CARMIL2: variants seen among roughly 807,000 people sequenced by gnomAD.
The protein encoded by CARMIL2 is capping protein regulator and myosin 1 linker 2.
A neutral mutation model predicts 173.3 loss-of-function variants in CARMIL2; 96 were observed. That is an observed-to-expected ratio of 0.55 (90% confidence interval 0.47 to 0.66). The LOEUF (loss-of-function observed/expected upper bound fraction) is 0.66, where lower values mean the gene tolerates loss of function less well. Ranked by LOEUF, CARMIL2 falls within the 30% of genes least tolerant of loss-of-function variation. The probability of loss-of-function intolerance (pLI) is 0.00; values close to 1 mark genes in which losing one functional copy is unlikely to be tolerated. For missense variants in CARMIL2, 1,771 were observed against 1,906.7 expected, an observed-to-expected ratio of 0.93 and a Z score of 1.33; for synonymous variants, 830 against 817.1, an observed-to-expected ratio of 1.02 and a Z score of -0.27.
intron 34 of CARMIL2, 36 bp from the exon 35 acceptor site, chr16:67,656,388 C>T: frequency 6.2e-7 from 1 of 1,609,634 alleles, no homozygotes; most frequent in Non-Finnish European, 8.5e-7. Flanking sequence ...TCGCCAATGC[C>T]TGACCAGGTC....
rs1423459426 is a variant in CARMIL2 at position 67,654,630 on chromosome 16, G to T, written c.3520G>T (p.Ala1174Ser). ...SRPRYTRDSK[A>S]YSMILLPAEE... ...ACCTCGCTACACAAGAGATAGCAAG[G>T]CCTACTCGATGATACTGCTGCCTGC... The change falls in exon 31 of 38, where the codon GCC becomes TCC. Residue 1174 changes from alanine to serine, a missense_variant. This residue lies in a region of CARMIL2 where 817 missense variants were observed against 903.5 expected (regional missense o/e 0.90). Coordinates refer to ENST00000334583, the MANE Select transcript of CARMIL2 (RefSeq NM_001013838.3). 6.3e-7 allele frequency: 1 copy of T among 1,595,028 alleles called. No individual in the cohort carries two copies. Among genetic ancestry groups the T allele is most frequent in the South Asian group, 1.1e-5 (1 of 88,926 alleles).
Position 67,647,542 on chromosome 16 carries a change from G to C in CARMIL2, c.811G>C (p.Gly271Arg). ...CCGACGACTGGCCCAGGCGCTGGCGGGACACTCAAGCTCTGGGCTGCGGGA... is the reference window on the plus strand; with the variant it reads ...CCGACGACTGGCCCAGGCGCTGGCGCGACACTCAAGCTCTGGGCTGCGGGA... ...FVRRLAQALA[G>R]HSSSGLRELS... The change falls in exon 11 of 38, where the codon GGA (glycine) becomes CGA (arginine). Residue 271 changes from glycine to arginine, a missense_variant. Coordinates refer to ENST00000334583, the MANE Select transcript of CARMIL2 (RefSeq NM_001013838.3). The C allele has an allele frequency of 6.2e-7, 1 of 1,610,288 alleles. No homozygotes were observed.
At position 67,645,197 on chromosome 16, in the gene CARMIL2, T is replaced by C. The variant is rs756395809; in HGVS notation, c.-50T>C. On this transcript the variant is annotated 5_prime_UTR_variant, in exon 1 of 38. Transcript: ENST00000334583. ...AGGCTTCCTGTGTGCGCGCTCGTCC[T>C]CTGCTGTTTCCCGCCGGAGCTCGTT... 3 of 1,491,224 alleles carry C rather than the reference T, an allele frequency of 2.0e-6. No individual in the cohort carries two copies. Among genetic ancestry groups the C allele is most frequent in the Non-Finnish European group, 2.7e-6 (3 of 1,098,006 alleles). 92.4% of individuals were successfully genotyped at this position (1,491,224 alleles called of 1,614,324 possible). A position where few individuals can be genotyped will look rare whatever the true frequency, so the allele number is the denominator to read the frequency against.
Position 67,648,899 on chromosome 16 carries a change from T to C in CARMIL2, c.1516T>C (p.Ser506Pro), listed in dbSNP as rs2052657785. 2 of 1,605,172 alleles carry C rather than the reference T, an allele frequency of 1.2e-6. No homozygotes were observed. The highest frequency in any genetic ancestry group is 1.7e-6 in the Non-Finnish European group (2 of 1,176,472). Residue 506 changes from serine to proline, a missense_variant, in exon 17 of 38, where the codon TCG becomes CCG. Ser to Pro is a moderately conservative substitution (Grantham distance 74). Coordinates refer to ENST00000334583, the MANE Select transcript of CARMIL2 (RefSeq NM_001013838.3). This position sits in a 1 kb window ranked among gnomAD's most constrained non-coding sequence, Gnocchi z 6.1. Reference protein sequence around the residue: ...HLDLSACELRSAGAQVIQDLV... With the variant: ...HLDLSACELRPAGAQVIQDLV... Reference sequence around the variant, plus strand: ...TCCCACCTCCCACATACAGCTGCGCTCGGCCGGCGCCCAGGTGATACAAGA... The same window carrying C: ...TCCCACCTCCCACATACAGCTGCGCCCGGCCGGCGCCCAGGTGATACAAGA...
Position 67,645,796 on chromosome 16 carries a change from C to G in CARMIL2, c.186+19C>G, listed in dbSNP as rs776922996. 1 of 1,609,934 alleles carries G rather than the reference C, an allele frequency of 6.2e-7. No homozygotes were observed. Among genetic ancestry groups the G allele is most frequent in the Non-Finnish European group, 8.5e-7 (1 of 1,179,618 alleles). On this transcript the variant is annotated intron_variant, in intron 3 of 37. Transcript: ENST00000334583. The stretch of plus-strand genomic sequence containing the variant: ...GCTGAGGGTGAGTCCCAGGGCCTGG[C>G]CACACCCCCGCCCGCCAGCAGCTAC...
chr16:67,651,070 T>C lies in CARMIL2; in HGVS notation c.2185-117T>C. The C allele has an allele frequency of 8.2e-7, 1 of 1,219,988 alleles. No homozygotes were observed. The highest frequency in any genetic ancestry group is 1.1e-6 in the Non-Finnish European group (1 of 884,532). The allele number at this position is 1,219,988 out of a possible 1,614,324, so 75.6% of individuals were successfully genotyped here. On this transcript the variant is annotated intron_variant, in intron 22 of 37. Transcript: ENST00000334583. The surrounding 1 kb of genome is among the most constrained non-coding windows in gnomAD (Gnocchi z 4.2). ...TGAACAGATAGGGTTCCAAAGTGGC[T>C]GGTCTAAGGGTGTCAGCTTCAGGAC...
At chr16:67,654,301 C>G (rs1035196711) in intron 30 of CARMIL2, 31 bp from the exon 31 acceptor site, 3 of 1,580,026 alleles carry the variant, frequency 1.9e-6, no homozygotes, top group Admixed American at 3.6e-5. Flanking sequence ...GCCTGATGGG[C>G]TTTCTCGCTC....
Position 67,652,455 on chromosome 16 carries a change from T to A in CARMIL2, c.2818-17T>A, listed in dbSNP as rs779167540. The A allele has an allele frequency of 2.5e-6, 4 of 1,613,306 alleles. No homozygotes were observed. The South Asian group carries it at 4.4e-5, about 18-fold the overall frequency. Reference sequence around the variant, plus strand: ...GTGCTCTCCTACCCCAGGCTGAGTTTGTGCCCTCCCCACCAGGATGACAGT... The same window carrying A: ...GTGCTCTCCTACCCCAGGCTGAGTTAGTGCCCTCCCCACCAGGATGACAGT... On this transcript the variant is annotated splice_polypyrimidine_tract_variant and intron_variant, in intron 27 of 37. Coordinates refer to ENST00000334583, the MANE Select transcript of CARMIL2 (RefSeq NM_001013838.3). This position sits in a 1 kb window ranked among gnomAD's most constrained non-coding sequence, Gnocchi z 4.7.
Position 67,649,049 on chromosome 16 carries a change from C to A in CARMIL2, c.1592-27C>A. 1 of 1,608,310 alleles carries A rather than the reference C, an allele frequency of 6.2e-7. No individual in the cohort carries two copies. The highest frequency in any genetic ancestry group is 1.7e-4 in the Middle Eastern group (1 of 6,054). ...CCCCACCCTACCCTTGCAACTTCGCCTCGTGCGTGACCCGAGTCACCCCCA... is the reference window on the plus strand; with the variant it reads ...CCCCACCCTACCCTTGCAACTTCGCATCGTGCGTGACCCGAGTCACCCCCA... On this transcript the variant is annotated intron_variant, in intron 17 of 37. Coordinates refer to ENST00000334583, the MANE Select transcript of CARMIL2 (RefSeq NM_001013838.3). The surrounding 1 kb of genome is among the most constrained non-coding windows in gnomAD (Gnocchi z 6.7).
Position 67,648,855 on chromosome 16 carries a change from G to A in CARMIL2, c.1510-38G>A, listed in dbSNP as rs1224486887. 1 of 1,584,824 alleles carries A rather than the reference G, an allele frequency of 6.3e-7. No individual in the cohort carries two copies. Among genetic ancestry groups the A allele is most frequent in the Non-Finnish European group, 8.6e-7 (1 of 1,166,264 alleles). On this transcript the variant is annotated intron_variant, in intron 16 of 37. Transcript: ENST00000334583. The surrounding 1 kb of genome is among the most constrained non-coding windows in gnomAD (Gnocchi z 6.1). ...CTGCCCCTCCCCACTCGCGGCCTAA[G>A]TGGGTCCCACTTCCCACCTCCCACC...
chr16:67,647,831 C>A lies in CARMIL2; in HGVS notation c.959-15C>A. On this transcript the variant is annotated splice_polypyrimidine_tract_variant and intron_variant, in intron 12 of 37. Transcript: ENST00000334583. Reference sequence around the variant, plus strand: ...GGGTCTGTCCAACTGCTGAGTGACCCCGACCCACCACCAGGAATGAGGGCT... The same window carrying A: ...GGGTCTGTCCAACTGCTGAGTGACCACGACCCACCACCAGGAATGAGGGCT... 6.2e-7 allele frequency: 1 copy of A among 1,600,154 alleles called. No individual in the cohort carries two copies. The highest frequency in any genetic ancestry group is 1.3e-5 in the African/African-American group (1 of 74,690).
In CARMIL2 at chr16:67,646,681, CT is replaced by C. The variant is rs770430952; in HGVS notation, c.467-29del. 3 of 1,610,754 alleles carry C rather than the reference CT, an allele frequency of 1.9e-6. No individual in the cohort carries two copies. In the East Asian group the frequency reaches 6.7e-5, roughly 36 times the overall value. ...CCATCGCTGATGTTTTGTCTCTCTC[CT>C]TTTCCACATCGCACCCCTATCCCCT... On this transcript the variant is annotated intron_variant, in intron 6 of 37. Coordinates refer to ENST00000334583, the MANE Select transcript of CARMIL2 (RefSeq NM_001013838.3). This position sits in a 1 kb window ranked among gnomAD's most constrained non-coding sequence, Gnocchi z 4.6.
Position 67,654,698 on chromosome 16 carries a change from G to T in CARMIL2, c.3582+6G>T, listed in dbSNP as rs1380393748. 1.3e-6 allele frequency: 2 copies of T among 1,598,208 alleles called. No homozygotes were observed. The highest frequency in any genetic ancestry group is 1.3e-5 in the African/African-American group (1 of 74,558). On this transcript the variant is annotated splice_donor_region_variant and intron_variant, in intron 31 of 37. Coordinates refer to ENST00000334583, the MANE Select transcript of CARMIL2 (RefSeq NM_001013838.3). The stretch of plus-strand genomic sequence containing the variant: ...TGGGTGCCAGACCCGACAAGGTGAG[G>T]CTTGCTGATGGGGGGTGGTGAAGGC...
Position 67,654,085 on chromosome 16 carries a change from G to GA in CARMIL2, c.3121-64_3121-63insA, listed in dbSNP as rs991805075. The GA allele has an allele frequency of 5.4e-4, 561 of 1,046,896 alleles. 1 individual carries two copies. The highest frequency in any genetic ancestry group is 6.8e-4 in the Non-Finnish European group (508 of 745,924). The allele number at this position is 1,046,896 out of a possible 1,614,324, so 64.9% of individuals were successfully genotyped here. On this transcript the variant is annotated intron_variant, in intron 29 of 37. Coordinates refer to ENST00000334583, the MANE Select transcript of CARMIL2 (RefSeq NM_001013838.3). The stretch of plus-strand genomic sequence containing the variant: ...ATTCAGTCCAGGCTGCCGGCCGGGG[G>GA]GGGGGGGGGGTAGAAGCCAGAGTTG...
At position 67,648,736 on chromosome 16, in the gene CARMIL2, G is replaced by A. The variant is rs752921450; in HGVS notation, c.1491G>A (p.Leu497=). Residue 497 remains leucine (L), a synonymous_variant, in exon 16 of 38, where the codon CTG becomes CTA. Transcript: ENST00000334583. The surrounding 1 kb of genome is among the most constrained non-coding windows in gnomAD (Gnocchi z 6.1). ...ALNTHLRDLH[L]DLSACELRSA... ...ACACGCACCTCCGCGACCTGCACCT[G>A]GACCTCAGCGCTTGCGAGGTGAGCG... 2 of 1,606,720 alleles carry A rather than the reference G, an allele frequency of 1.2e-6. No homozygotes were observed. Among genetic ancestry groups the A allele is most frequent in the Non-Finnish European group, 1.7e-6 (2 of 1,176,962 alleles).
In CARMIL2 at chr16:67,653,100, G is replaced by T; in HGVS notation, c.2966G>T (p.Arg989Leu). 1 of 1,179,804 alleles carries T rather than the reference G, an allele frequency of 8.5e-7. No individual in the cohort carries two copies. Among genetic ancestry groups the T allele is most frequent in the Non-Finnish European group, 1.1e-6 (1 of 949,112 alleles). 73.1% of individuals were successfully genotyped at this position (1,179,804 alleles called of 1,614,324 possible). Reference sequence around the variant, plus strand: ...GAGCCGCAGGCGGGGCCGTCCGCGCGCGGCTCTCCGAGCCCTGCCGCCCCT... The same window carrying T: ...GAGCCGCAGGCGGGGCCGTCCGCGCTCGGCTCTCCGAGCCCTGCCGCCCCT... ...DAEPQAGPSARGSPSPAAPGP... is the reference protein window; with the variant it reads ...DAEPQAGPSALGSPSPAAPGP... The change falls in exon 29 of 38, where the codon CGC (arginine) becomes CTC (leucine). Residue 989 changes from arginine (R) to leucine (L), a missense_variant. By Grantham distance (102) the Arg-to-Leu change is moderately radical (BLOSUM62 -2). Transcript: ENST00000334583. The surrounding 1 kb of genome is among the most constrained non-coding windows in gnomAD (Gnocchi z 7.4).
At position 67,656,043 on chromosome 16, in the gene CARMIL2, G is replaced by A. The variant is rs1483160823; in HGVS notation, c.3718G>A (p.Glu1240Lys). ...CTGTTTCCTGCAGAGCAAAGATGGC[G>A]AGATCAAGAAAGCTGGCTCAGATGG... The part of the protein sequence containing the change: ...EGKRKQSKDG[E>K]IKKAGSDGDI... The change falls in exon 33 of 38, where the codon GAG (glutamate) becomes AAG (lysine). Residue 1240 changes from glutamate to lysine, a missense_variant. This residue lies in a region of CARMIL2 where 817 missense variants were observed against 903.5 expected (regional missense o/e 0.90). Coordinates refer to ENST00000334583, the MANE Select transcript of CARMIL2 (RefSeq NM_001013838.3). 3 of 1,599,964 alleles carry A rather than the reference G, an allele frequency of 1.9e-6. No individual in the cohort carries two copies. The highest frequency in any genetic ancestry group is 1.7e-4 in the Middle Eastern group (1 of 6,048).
chr16:67,654,070 G>A (rs2052781570), intron 29 of CARMIL2, 79 bp from the exon 30 acceptor site: 3 of 996,472 alleles, frequency 3.0e-6, no homozygotes, highest in Non-Finnish European at 1.5e-6. Flanking sequence ...ATTCAGTCCA[G>A]GCTGCCGGCC....
Position 67,645,192 on chromosome 16 carries a change from C to A in CARMIL2, c.-55C>A. On this transcript the variant is annotated 5_prime_UTR_variant, in exon 1 of 38. Coordinates refer to ENST00000334583, the MANE Select transcript of CARMIL2 (RefSeq NM_001013838.3). ...GCCCCAGGCTTCCTGTGTGCGCGCTCGTCCTCTGCTGTTTCCCGCCGGAGC... is the reference window on the plus strand; with the variant it reads ...GCCCCAGGCTTCCTGTGTGCGCGCTAGTCCTCTGCTGTTTCCCGCCGGAGC... 5 of 1,447,782 alleles carry A rather than the reference C, an allele frequency of 3.5e-6. No individual in the cohort carries two copies. The East Asian group carries it at 7.4e-5, about 21-fold the overall frequency. The allele number at this position is 1,447,782 out of a possible 1,614,324, so 89.7% of individuals were successfully genotyped here. A position where few individuals can be genotyped will look rare whatever the true frequency, so the allele number is the denominator to read the frequency against.
Sources: allele counts gnomAD v4.1 joint callset, GRCh38; gene constraint gnomAD v4.1.1; regional missense constraint gnomAD v4.1.1; non-coding constraint Gnocchi (gnomAD v3.1); transcripts MANE v1.5; gene names NCBI Gene and HGNC (gene_info 2026-07-23, HGNC 2026-07-21).